LATS2: variants seen among roughly 807,000 people sequenced by gnomAD.
The protein encoded by LATS2 is serine/threonine-protein kinase LATS2.
LATS2 carries 24 observed loss-of-function variants against 76.0 expected under a neutral mutation model. That is an observed-to-expected ratio of 0.32 (90% CI 0.23 to 0.44). The LOEUF (loss-of-function observed/expected upper bound fraction) is 0.44. LATS2 is among the 20% of genes least tolerant of loss of function. LATS2 has a pLI of 1.00. For missense variants in LATS2, 1,286 were observed against 1,481.2 expected (o/e 0.87, Z 2.16); for synonymous variants, 692 against 635.4 (o/e 1.09, Z -1.34).
chr13:21,055,250 C>A (rs7324879), intron 1 of LATS2, among the ~76,000 whole-genome samples: 1 of 152,036 alleles, frequency 6.6e-6, no homozygotes, highest in African/African-American at 2.4e-5. Flanking sequence ...ACTTCACATA[C>A]GGGAAATTTT....
chr13:21,024,083 T>C (rs1872199634), intron 2 of LATS2, among the ~76,000 whole-genome samples: 2 of 123,770 alleles, frequency 1.6e-5, no homozygotes, highest in Admixed American at 9.2e-5. Context: ...GGTTAAAGTG[T>C]CTCGCTGTGC....
intron 7 of LATS2, among the ~76,000 whole-genome samples, chr13:20,977,381 G>A (rs1215176268): frequency 3.6e-5 from 5 of 137,464 alleles, no homozygotes; most frequent in African/African-American, 1.4e-4. Context: ...GCAAAACCCT[G>A]TCTCAAAAAA....
chr13:21,033,971 G>A (rs1343508179), intron 2 of LATS2, among the ~76,000 whole-genome samples: 1 of 151,974 alleles, frequency 6.6e-6, no homozygotes. Flanking sequence ...GTGGGACAGG[G>A]GACCAGTCGC....
chr13:21,055,436 A>G (rs1362990810), intron 1 of LATS2, among the ~76,000 whole-genome samples: 1 of 152,248 alleles, frequency 6.6e-6, no homozygotes, highest in Non-Finnish European at 1.5e-5. Context: ...AACAACTCAC[A>G]AAACAAAAAC....
intron 2 of LATS2, among the ~76,000 whole-genome samples, chr13:21,001,556 G>GAC (rs1352200617): frequency 1.3e-5 from 2 of 152,150 alleles, no homozygotes; most frequent in Non-Finnish European, 2.9e-5. Flanking sequence ...CATGGTTGGA[G>GAC]ACAGATCCAG....
At chr13:20,978,140 C>T (rs940614604) in intron 7 of LATS2, among the ~76,000 whole-genome samples, 2 of 152,166 alleles carry the variant, frequency 1.3e-5, no homozygotes, top group Non-Finnish European at 2.9e-5. Context: ...TAGTCTCGAT[C>T]TCCTGACCTC....
At chr13:21,050,977 C>T (rs1565966660) in intron 1 of LATS2, among the ~76,000 whole-genome samples, 1 of 152,306 alleles carries the variant, frequency 6.6e-6, no homozygotes, top group Non-Finnish European at 1.5e-5. Context: ...AAATGGAAGG[C>T]GTGAACGGGA....
At chr13:21,029,890 A>C (rs1872453354) in intron 2 of LATS2, among the ~76,000 whole-genome samples, 1 of 151,680 alleles carries the variant, frequency 6.6e-6, no homozygotes, top group Non-Finnish European at 1.5e-5. Context: ...AGGTCAGGAG[A>C]TGGCAGGCAG....
At chr13:21,059,606 A>G (rs1053432869) in intron 1 of LATS2, among the ~76,000 whole-genome samples, 9 of 151,114 alleles carry the variant, frequency 6.0e-5, no homozygotes, top group Non-Finnish European at 1.0e-4. Flanking sequence ...AAAAACAACA[A>G]CAACAACAAC....
intron 2 of LATS2, among the ~76,000 whole-genome samples, chr13:21,011,101 T>C (rs1229696919): frequency 6.6e-6 from 1 of 152,276 alleles, no homozygotes; most frequent in Non-Finnish European, 1.5e-5. Flanking sequence ...CTCATAGTGA[T>C]GGTGGCATGT....
At chr13:20,982,333 C>CA (rs1325632055) in intron 5 of LATS2, among the ~76,000 whole-genome samples, 2 of 152,174 alleles carry the variant, frequency 1.3e-5, no homozygotes, top group Non-Finnish European at 1.5e-5. Context: ...TTATTTGAGA[C>CA]AGAGTTTCGC....
rs1455175686 is a variant in LATS2 at position 20,973,748 on chromosome 13, A to AT, written c.*1121_*1122insA. On this transcript the variant is annotated 3_prime_UTR_variant, in exon 8 of 8. Coordinates refer to ENST00000382592, the MANE Select transcript of LATS2 (RefSeq NM_014572.3). Reference sequence around the variant, plus strand: ...CAGTTTCCTGACAGTAACAGAAGAAAACAGGACTAAGAACATTCACTGAAG... The same window carrying AT: ...CAGTTTCCTGACAGTAACAGAAGAAATACAGGACTAAGAACATTCACTGAAG... 1 of 229,976 alleles carries AT rather than the reference A, an allele frequency of 4.3e-6. No homozygotes were observed. Among genetic ancestry groups the AT allele is most frequent in the Non-Finnish European group, 8.6e-6 (1 of 115,930 alleles). The allele number at this position is 229,976 out of a possible 1,614,324, so 14.2% of individuals were successfully genotyped here.
intron 1 of LATS2, among the ~76,000 whole-genome samples, chr13:21,057,193 G>A (rs1412514413): frequency 6.6e-6 from 1 of 152,154 alleles, no homozygotes; most frequent in Non-Finnish European, 1.5e-5. Context: ...AGGGTCTATA[G>A]GATCTAAACT....
At chr13:21,036,130 G>A (rs552918007) in intron 2 of LATS2, among the ~76,000 whole-genome samples, 18 of 152,110 alleles carry the variant, frequency 1.2e-4, no homozygotes, top group Admixed American at 1.3e-4. Flanking sequence ...ACCCGACCTC[G>A]GATGATCCAC....
Position 20,988,614 on chromosome 13 carries a change from G to A in LATS2, c.1166C>T (p.Pro389Leu), listed in dbSNP as rs1339653606. The A allele has an allele frequency of 6.3e-7, 1 of 1,588,850 alleles. No individual in the cohort carries two copies. Among genetic ancestry groups the A allele is most frequent in the Non-Finnish European group, 8.5e-7 (1 of 1,175,696 alleles). The change falls in exon 4 of 8, where the codon CCG (proline) becomes CTG (leucine). Residue 389 changes from proline (P) to leucine (L), a missense_variant. Physicochemically the swap from Pro to Leu is moderately conservative, Grantham distance 98. Transcript: ENST00000382592. ...CCGGAAGGCCACGTGCGCGCGCGGCGGCGCCTCCAGGCCCGGCTTCTGCAG... is the reference window on the plus strand; with the variant it reads ...CCGGAAGGCCACGTGCGCGCGCGGCAGCGCCTCCAGGCCCGGCTTCTGCAG... ...DSLQKPGLEA[P>L]PRAHVAFRPD...
intron 2 of LATS2, 73 bp downstream of exon 2, chr13:21,045,612 G>T: frequency 8.2e-7 from 1 of 1,213,840 alleles, no homozygotes; most frequent in Non-Finnish European, 1.2e-6. Flanking sequence ...TCAAGTAGTT[G>T]CCAAACCATT....
intron 2 of LATS2, among the ~76,000 whole-genome samples, chr13:21,020,212 AAAGC>A (rs1242647235): frequency 6.6e-5 from 10 of 152,276 alleles, no homozygotes; most frequent in African/African-American, 2.2e-4. Flanking sequence ...ATTCTTCATC[AAAGC>A]AAGGAGCTTC....
At chr13:20,979,132 G>T (rs1035985827) in intron 7 of LATS2, among the ~76,000 whole-genome samples, 1 of 152,172 alleles carries the variant, frequency 6.6e-6, no homozygotes, top group Non-Finnish European at 1.5e-5. Flanking sequence ...CTGTTCTCTA[G>T]CTTGCTTTAT....
rs1014148039 is a variant in LATS2, at chr13:20,991,993, G to A, written c.343-589C>T. Among the ~76,000 whole-genome samples the A allele has an allele frequency of 6.6e-6, 1 of 152,192 alleles. No individual in the cohort carries two copies. The highest frequency in any genetic ancestry group is 6.5e-5 in the Admixed American group (1 of 15,282). ...AAACAGGGGCCCATGGAGCCACACCGGTCCAGGACAGGTAGCTCAAACTGC... is the reference window on the plus strand; with the variant it reads ...AAACAGGGGCCCATGGAGCCACACCAGTCCAGGACAGGTAGCTCAAACTGC... On this transcript the variant is annotated intron_variant, in intron 2 of 7. Transcript: ENST00000382592. The surrounding 1 kb of genome is among the most constrained non-coding windows in gnomAD (Gnocchi z 4.9).
Sources: allele counts gnomAD v4.1 joint callset (sites outside exome capture counted in the v4.1 genomes callset), GRCh38; gene constraint gnomAD v4.1.1; non-coding constraint Gnocchi (gnomAD v3.1); transcripts MANE v1.5; gene names NCBI Gene and HGNC (gene_info 2026-07-23, HGNC 2026-07-21).